PRDM10: variants seen among roughly 807,000 people sequenced by gnomAD.
The protein encoded by PRDM10 is PR/SET domain 10.
A neutral mutation model predicts 133.1 loss-of-function variants in PRDM10; 65 were observed. The observed-to-expected ratio is 0.49, with a 90% CI of 0.40 to 0.60. The LOEUF is 0.60. Ranked by LOEUF, PRDM10 falls within the 20% of genes least tolerant of loss-of-function variation. The pLI, the probability that PRDM10 is intolerant of heterozygous loss-of-function variation, is 0.00. For missense variants in PRDM10, 1,137 were observed against 1,507.1 expected, an observed-to-expected ratio of 0.75 and a Z score of 4.07; for synonymous variants, 582 against 580.4, an observed-to-expected ratio of 1.00 and a Z score of -0.04.
Position 129,955,568 on chromosome 11 carries a change from G to C in PRDM10, c.238C>G (p.Leu80Val), listed in dbSNP as rs1238944487. The change falls in exon 4 of 21, where the codon CTG becomes GTG. Residue 80 changes from leucine (L) to valine (V), a missense_variant. Around this residue, in one of 6 missense-constraint regions of PRDM10, gnomAD observed 635 missense variants for 835.2 expected, o/e 0.76. Transcript: ENST00000360871. ...GCTACCTGGCCGGGGTCTGTAAACAGAGTCTAAACAAACAAACGAACAAAA... is the reference window on the plus strand; with the variant it reads ...GCTACCTGGCCGGGGTCTGTAAACACAGTCTAAACAAACAAACGAACAAAA... The part of the protein sequence containing the change: ...YIHPVEAAQT[L>V]FTDPGQVAYV... 1.2e-6 allele frequency: 2 copies of C among 1,613,840 alleles called. No individual in the cohort carries two copies. Among genetic ancestry groups the C allele is most frequent in the Non-Finnish European group, 1.7e-6 (2 of 1,179,938 alleles).
intron 1 of PRDM10, among the ~76,000 whole-genome samples, chr11:129,990,769 G>A (rs977123268): frequency 1.3e-5 from 2 of 151,992 alleles, no homozygotes; most frequent in Non-Finnish European, 2.9e-5. Context: ...CACTATGCCC[G>A]GGTCCTCACT....
At chr11:129,988,670 C>T (rs1565513974) in intron 1 of PRDM10, among the ~76,000 whole-genome samples, 1 of 151,660 alleles carries the variant, frequency 6.6e-6, no homozygotes, top group Non-Finnish European at 1.5e-5. Flanking sequence ...CGCTCTGTTG[C>T]CTGGGCTGGA....
At chr11:129,990,738 C>T (rs1203572834) in intron 1 of PRDM10, among the ~76,000 whole-genome samples, 1 of 152,124 alleles carries the variant, frequency 6.6e-6, no homozygotes, top group Non-Finnish European at 1.5e-5. Flanking sequence ...CCCCAAAGTG[C>T]TGGGATTTAT....
chr11:129,903,427 G>C (rs1949907952), intron 20 of PRDM10, among the ~76,000 whole-genome samples: 1 of 151,822 alleles, frequency 6.6e-6, no homozygotes, highest in Non-Finnish European at 1.5e-5. Context: ...AAGAGTACAG[G>C]AACAACAGGA....
intron 1 of PRDM10, among the ~76,000 whole-genome samples, chr11:129,972,240 G>T (rs1476534376): frequency 6.6e-6 from 1 of 152,204 alleles, no homozygotes; most frequent in Non-Finnish European, 1.5e-5. Context: ...AGCTGGCTCT[G>T]GCCTTGGCCA....
intron 2 of PRDM10, among the ~76,000 whole-genome samples, chr11:129,960,624 A>T (rs886824621): frequency 2.3e-4 from 35 of 152,330 alleles, no homozygotes; most frequent in African/African-American, 8.4e-4. Flanking sequence ...CAATAACATA[A>T]ATAAAGCGGG....
rs1295266593 is a variant in PRDM10 at position 129,957,826 on chromosome 11, T to C, written c.154A>G (p.Thr52Ala). ...GATGTGTAGGAGGCACCATCTGCCG[T>C]GTACACCACCTGCTGTGGGGGGCGA... ...QVRPPQQVVY[T>A]ADGASYTSVD... The change falls in exon 3 of 21, where the codon ACG becomes GCG. Residue 52 changes from threonine (T) to alanine (A), a missense_variant. Thr to Ala is a moderately conservative substitution (Grantham distance 58, BLOSUM62 0). Coordinates refer to ENST00000360871, the MANE Select transcript of PRDM10 (RefSeq NM_199437.2). 1.2e-6 allele frequency: 2 copies of C among 1,614,112 alleles called. No homozygotes were observed. The highest frequency in any genetic ancestry group is 2.7e-5 in the African/African-American group (2 of 74,948).
chr11:129,907,956 C>T (rs972825471), intron 19 of PRDM10, among the ~76,000 whole-genome samples: 3 of 151,592 alleles, frequency 2.0e-5, no homozygotes, highest in Admixed American at 1.3e-4. Flanking sequence ...AAAGAATTAG[C>T]CAAACATGGT....
intron 10 of PRDM10, among the ~76,000 whole-genome samples, chr11:129,931,678 T>C (rs1405137575): frequency 6.6e-6 from 1 of 151,856 alleles, no homozygotes; most frequent in Admixed American, 6.6e-5. Flanking sequence ...GCCATTCTCC[T>C]GCCTCCGCCT....
At chr11:129,935,058 C>A in intron 9 of PRDM10, 43 bp downstream of exon 9, 1 of 1,509,600 alleles carries the variant, frequency 6.6e-7, no homozygotes, top group East Asian at 2.3e-5. Context: ...TGATTCTGAA[C>A]CTTTATGAAC....
chr11:129,949,041 C>T (rs1951508910), intron 4 of PRDM10, among the ~76,000 whole-genome samples: 1 of 152,108 alleles, frequency 6.6e-6, no homozygotes, highest in African/African-American at 2.4e-5. Flanking sequence ...CTGTTCTTCC[C>T]ATCTGCCAAG....
chr11:129,918,051 A>C lies in PRDM10; in HGVS notation c.2214+488T>G, dbSNP rs1291656889. On this transcript the variant is annotated intron_variant, in intron 14 of 20. Coordinates refer to ENST00000360871, the MANE Select transcript of PRDM10 (RefSeq NM_199437.2). The surrounding 1 kb of genome is among the most constrained non-coding windows in gnomAD (Gnocchi z 5.3). ...GAGGCTGAAGCAGGAGAATCGCTTG[A>C]ACCTGGGAGGGGGAGGTTGCAGTGA... is the stretch of plus-strand genomic sequence containing the variant. Among the ~76,000 whole-genome samples the C allele has an allele frequency of 6.6e-6, 1 of 152,114 alleles. No homozygotes were observed. Among genetic ancestry groups the C allele is most frequent in the Non-Finnish European group, 1.5e-5 (1 of 68,014 alleles).
Position 129,932,292 on chromosome 11 carries a change from C to G in PRDM10, c.1158-61G>C, listed in dbSNP as rs1258596641. On this transcript the variant is annotated intron_variant, in intron 9 of 20. Transcript: ENST00000360871. ...TTACATAATACTCCATAACAAGTAG[C>G]GACCTAAATGATCCTTACTAACCCC... The G allele has an allele frequency of 6.3e-6, 10 of 1,578,268 alleles. No individual in the cohort carries two copies. In the East Asian group the frequency reaches 1.6e-4, roughly 25 times the overall value.
chr11:129,905,617 C>T (rs1018621772), intron 20 of PRDM10, 21 bp downstream of exon 20: 13 of 1,597,694 alleles, frequency 8.1e-6, no homozygotes, highest in Middle Eastern at 1.7e-4. Flanking sequence ...AGGAAAAACC[C>T]GACCGAGTAG....
At chr11:129,975,294 G>A (rs1937698297) in intron 1 of PRDM10, among the ~76,000 whole-genome samples, 1 of 152,028 alleles carries the variant, frequency 6.6e-6, no homozygotes, top group African/African-American at 2.4e-5. Context: ...GGGTGTGGTG[G>A]CAGGCGCCTG....
At chr11:129,978,715 C>A (rs1046654420) in intron 1 of PRDM10, among the ~76,000 whole-genome samples, 16 of 152,224 alleles carry the variant, frequency 1.1e-4, no homozygotes, top group African/African-American at 3.9e-4. Flanking sequence ...TCCTTGTGCA[C>A]AAAGGGCTGC....
chr11:129,982,283 T>TGC (rs1189248438), intron 1 of PRDM10, among the ~76,000 whole-genome samples: 1 of 150,884 alleles, frequency 6.6e-6, no homozygotes, highest in African/African-American at 2.4e-5. Context: ...TCTGTGTGTG[T>TGC]GCGCGCGTGT....
chr11:129,937,510 A>AG, intron 8 of PRDM10, 88 bp downstream of exon 8: 1 of 1,241,394 alleles, frequency 8.1e-7, no homozygotes, highest in South Asian at 1.5e-5. Flanking sequence ...ATATACTGAG[A>AG]CAAAAAAAAA....
At chr11:129,925,519 A>G (rs565438851) in intron 11 of PRDM10, among the ~76,000 whole-genome samples, 232 of 152,352 alleles carry the variant, frequency 1.5e-3, no homozygotes, top group Non-Finnish European at 2.5e-3. Flanking sequence ...AGTGTTCCCA[A>G]TAGAAGACTT....
Sources: allele counts gnomAD v4.1 joint callset (sites outside exome capture counted in the v4.1 genomes callset), GRCh38; gene constraint gnomAD v4.1.1; regional missense constraint gnomAD v4.1.1; non-coding constraint Gnocchi (gnomAD v3.1); transcripts MANE v1.5; gene names NCBI Gene and HGNC (gene_info 2026-07-23, HGNC 2026-07-21).